SIPA1L1: variants seen among roughly 807,000 people sequenced by gnomAD.
SIPA1L1 encodes signal induced proliferation associated 1 like 1.
In SIPA1L1, 26 loss-of-function variants were observed where a neutral mutation model predicts 162.7. That is an observed-to-expected ratio of 0.16 (90% CI 0.12 to 0.22). SIPA1L1 has a LOEUF of 0.22. Ranked by LOEUF, SIPA1L1 falls within the 10% of genes least tolerant of loss-of-function variation. The pLI is 1.00. For synonymous variants in SIPA1L1, 829 were observed against 837.4 expected (o/e 0.99, Z 0.17); for missense variants, 1,874 against 2,241.0 (o/e 0.84, Z 3.31).
intron 2 of SIPA1L1, chr14:71,321,682 C>T (rs1256631226): frequency 6.6e-6 from 1 of 152,258 alleles, no homozygotes; most frequent in African/African-American, 2.4e-5. Flanking sequence ...ACCTGCTTTC[C>T]GGGGAGCGAG....
intron 3 of SIPA1L1, among the ~76,000 whole-genome samples, chr14:71,519,411 T>A (rs1164740214): frequency 6.6e-6 from 1 of 152,212 alleles, no homozygotes; most frequent in Non-Finnish European, 1.5e-5. Context: ...TGCCTGAAAG[T>A]ATCCCCCAAT....
intron 7 of SIPA1L1, among the ~76,000 whole-genome samples, chr14:71,625,413 C>G (rs1296765492): frequency 6.6e-6 from 1 of 152,126 alleles, no homozygotes; most frequent in Non-Finnish European, 1.5e-5. Context: ...GATTCTGTTG[C>G]CTCAGCCTCT....
intron 2 of SIPA1L1, among the ~76,000 whole-genome samples, chr14:71,362,855 T>A (rs1409314582): frequency 6.6e-6 from 1 of 152,162 alleles, no homozygotes; most frequent in East Asian, 1.9e-4. Context: ...TTTGCAGGAG[T>A]CTGGAGTTTC....
At chr14:71,416,728 C>G (rs1039012554) in intron 2 of SIPA1L1, among the ~76,000 whole-genome samples, 5 of 106,530 alleles carry the variant, frequency 4.7e-5, no homozygotes, top group African/African-American at 1.3e-4. Flanking sequence ...TCTACACACA[C>G]ACACACACAC....
intron 4 of SIPA1L1, among the ~76,000 whole-genome samples, chr14:71,534,409 G>T (rs2053711728): frequency 6.6e-6 from 1 of 152,120 alleles, no homozygotes; most frequent in Non-Finnish European, 1.5e-5. Flanking sequence ...TTGTTTGTGG[G>T]TGCAGTGCTG....
intron 7 of SIPA1L1, among the ~76,000 whole-genome samples, chr14:71,647,251 CA>C (rs1337593718): frequency 6.6e-6 from 1 of 152,016 alleles, no homozygotes; most frequent in African/African-American, 2.4e-5. Flanking sequence ...TCACAACTGG[CA>C]AAACCGGTTT....
At chr14:71,528,200 A>G (rs1285529483) in intron 3 of SIPA1L1, among the ~76,000 whole-genome samples, 1 of 152,110 alleles carries the variant, frequency 6.6e-6, no homozygotes, top group African/African-American at 2.4e-5. Context: ...TTGGAATCAT[A>G]TTTTTGCATT....
chr14:71,628,780 A>C (rs1017535389), intron 7 of SIPA1L1, among the ~76,000 whole-genome samples: 1 of 152,174 alleles, frequency 6.6e-6, no homozygotes, highest in Non-Finnish European at 1.5e-5. Flanking sequence ...CTTGGAGGGG[A>C]AGAAGATTTC....
rs199861591 is a variant in SIPA1L1, at chr14:71,618,903, G to T, written c.1629+16G>T. ...AACTAGTGAGGTAAGTCGCAAATGA[G>T]AGAGGTTTGAGGTTTAACTGAAATG... On this transcript the variant is annotated intron_variant, in intron 6 of 23. Transcript: ENST00000381232. 1.6e-5 allele frequency: 26 copies of T among 1,611,838 alleles called. No homozygotes were observed. The African/African-American group carries it at 3.1e-4, about 19-fold the overall frequency.
chr14:71,476,414 A>G (rs1422725730), intron 2 of SIPA1L1, among the ~76,000 whole-genome samples: 1 of 152,208 alleles, frequency 6.6e-6, no homozygotes, highest in African/African-American at 2.4e-5. Context: ...CTGAACAGTT[A>G]ACTTTGGAAA....
intron 2 of SIPA1L1, among the ~76,000 whole-genome samples, chr14:71,336,280 C>G (rs1393118756): frequency 5.3e-5 from 8 of 152,168 alleles, no homozygotes; most frequent in African/African-American, 1.9e-4. Context: ...GCAGCTATCT[C>G]TATAAACAAT....
intron 2 of SIPA1L1, among the ~76,000 whole-genome samples, chr14:71,479,092 T>C (rs2048112643): frequency 6.6e-6 from 1 of 152,206 alleles, no homozygotes; most frequent in African/African-American, 2.4e-5. Context: ...TCTAGCTGCC[T>C]TGAGTCCAGG....
chr14:71,648,817 A>G (rs559669603), intron 7 of SIPA1L1, among the ~76,000 whole-genome samples: 7 of 152,338 alleles, frequency 4.6e-5, no homozygotes, highest in Admixed American at 4.6e-4. Context: ...TTGTCCAAAG[A>G]CAAACCTGGT....
rs1363971784 is a variant in SIPA1L1, at chr14:71,646,561, ACTTTT to A, written c.1819-3773_1819-3769del. ...TTTCCCAGCTGTGGAAGCTCACAAC[ACTTTT>A]AGTAAGTGTTGAAAGACCCCTTTAC... is the stretch of plus-strand genomic sequence containing the variant. On this transcript the variant is annotated intron_variant, in intron 7 of 23. Coordinates refer to ENST00000381232, the MANE Select transcript of SIPA1L1 (RefSeq NM_001386936.1). Among the ~76,000 whole-genome samples, 10 of 152,280 alleles carry A rather than the reference ACTTTT, an allele frequency of 6.6e-5. No individual in the cohort carries two copies. In the East Asian group the frequency reaches 1.9e-3, roughly 29 times the overall value.
chr14:71,634,777 A>G (rs1034309231), intron 7 of SIPA1L1, among the ~76,000 whole-genome samples: 1 of 151,792 alleles, frequency 6.6e-6, no homozygotes, highest in African/African-American at 2.4e-5. Flanking sequence ...TCTACTAAAA[A>G]TACAAAAAAT....
intron 6 of SIPA1L1, among the ~76,000 whole-genome samples, chr14:71,620,205 G>T (rs2039280467): frequency 6.6e-6 from 1 of 152,156 alleles, no homozygotes; most frequent in Admixed American, 6.5e-5. Context: ...GAGTAGCTGG[G>T]ATTACAGGCA....
chr14:71,385,818 G>A (rs2040274306), intron 2 of SIPA1L1, among the ~76,000 whole-genome samples: 3 of 151,638 alleles, frequency 2.0e-5, no homozygotes, highest in Admixed American at 1.3e-4. Flanking sequence ...CTCCCGAGTA[G>A]CTGGGATTAC....
chr14:71,368,141 TC>T, intron 2 of SIPA1L1, among the ~76,000 whole-genome samples: 2 of 144,412 alleles, frequency 1.4e-5, no homozygotes, highest in Non-Finnish European at 3.1e-5. Context: ...TTTGTGGTAT[TC>T]TTTTTTTTTT....
chr14:71,443,093 G>C (rs1347054194), intron 2 of SIPA1L1, among the ~76,000 whole-genome samples: 1 of 152,214 alleles, frequency 6.6e-6, no homozygotes, highest in Non-Finnish European at 1.5e-5. Flanking sequence ...GTTGGAACCA[G>C]TTTACAGTAT....
Sources: gnomAD v4.1 joint callset for allele counts (sites outside exome capture counted in the v4.1 genomes callset) on GRCh38, gnomAD v4.1.1 for gene constraint, MANE v1.5 for transcripts, NCBI Gene and HGNC (gene_info 2026-07-23, HGNC 2026-07-21) for gene names.